The following COX7B2 variants were observed in gnomAD, a reference collection of about 807,000 sequenced individuals.
COX7B2 encodes cytochrome c oxidase subunit 7B2, also known as cytochrome c oxidase subunit 7B2, mitochondrial.
For missense variants in COX7B2, 109 were observed against 95.9 expected, an observed-to-expected ratio of 1.14 and a Z score of -0.57; for synonymous variants, 37 against 32.1, an observed-to-expected ratio of 1.15 and a Z score of -0.51.
chr4:46,837,043 A>G (rs1263120406), intron 2 of COX7B2, among the ~76,000 whole-genome samples: 1 of 152,126 alleles, frequency 6.6e-6, no homozygotes, highest in African/African-American at 2.4e-5. Context: ...TCATATTTAA[A>G]TACAGCAGCA....
At chr4:46,823,747 G>A (rs528934837) in intron 2 of COX7B2, among the ~76,000 whole-genome samples, 2 of 151,552 alleles carry the variant, frequency 1.3e-5, no homozygotes, top group African/African-American at 2.4e-5. Context: ...GAAAAAATAT[G>A]TAAAGATTAG....
chr4:46,774,688 C>T (rs1163878232), intron 2 of COX7B2, among the ~76,000 whole-genome samples: 1 of 151,918 alleles, frequency 6.6e-6, no homozygotes, highest in Non-Finnish European at 1.5e-5. Context: ...CTACTTTACT[C>T]TTCTCTCATA....
chr4:46,850,424 G>A (rs1196855201), intron 1 of COX7B2, among the ~76,000 whole-genome samples: 1 of 152,104 alleles, frequency 6.6e-6, no homozygotes, highest in East Asian at 1.9e-4. Flanking sequence ...TCAAGACGGA[G>A]CGGGAAAAGC....
intron 2 of COX7B2, among the ~76,000 whole-genome samples, chr4:46,757,921 T>C (rs895788276): frequency 6.6e-6 from 1 of 152,126 alleles, no homozygotes; most frequent in African/African-American, 2.4e-5. Context: ...TGGGGCATCA[T>C]GTGGTGGAGG....
chr4:46,902,457 G>T (rs1438948069), intron 1 of COX7B2, among the ~76,000 whole-genome samples: 5 of 152,082 alleles, frequency 3.3e-5, no homozygotes. Context: ...TAATAATTAA[G>T]CTTATGGTCA....
chr4:46,873,201 A>G (rs1449680740), intron 1 of COX7B2, among the ~76,000 whole-genome samples: 1 of 151,920 alleles, frequency 6.6e-6, no homozygotes, highest in African/African-American at 2.4e-5. Context: ...ATGTGCCCAT[A>G]TTTTCTTTAT....
chr4:46,851,866 T>C (rs1394690765), intron 1 of COX7B2, among the ~76,000 whole-genome samples: 1 of 152,134 alleles, frequency 6.6e-6, no homozygotes, highest in Non-Finnish European at 1.5e-5. Flanking sequence ...GGGGTTCACA[T>C]ATTTATCAAT....
intron 2 of COX7B2, among the ~76,000 whole-genome samples, chr4:46,818,506 G>A (rs1203662223): frequency 1.3e-5 from 2 of 151,928 alleles, no homozygotes; most frequent in African/African-American, 4.8e-5. Flanking sequence ...GTGTGGTGGC[G>A]AGCGCCTGTA....
intron 1 of COX7B2, among the ~76,000 whole-genome samples, chr4:46,871,284 G>A (rs1717975824): frequency 6.6e-6 from 1 of 152,166 alleles, no homozygotes; most frequent in South Asian, 2.1e-4. Flanking sequence ...TAACTGGCTA[G>A]CCATCTGCAG....
chr4:46,809,939 A>G (rs1038250898), intron 2 of COX7B2, among the ~76,000 whole-genome samples: 7 of 151,944 alleles, frequency 4.6e-5, no homozygotes, highest in Admixed American at 3.3e-4. Context: ...GTGTAAATAT[A>G]TATTTTCAAT....
At chr4:46,902,919 C>T (rs192689473) in intron 1 of COX7B2, among the ~76,000 whole-genome samples, 1 of 152,104 alleles carries the variant, frequency 6.6e-6, no homozygotes, top group East Asian at 1.9e-4. Flanking sequence ...AATTTGTAGT[C>T]ATTCTATAAC....
At chr4:46,771,879 C>A (rs532122346) in intron 2 of COX7B2, among the ~76,000 whole-genome samples, 41 of 152,150 alleles carry the variant, frequency 2.7e-4, no homozygotes, top group Non-Finnish European at 1.0e-4. Flanking sequence ...AATCTGAAAT[C>A]CAAAATTCTC....
intron 1 of COX7B2, among the ~76,000 whole-genome samples, chr4:46,881,003 A>AAAAAAAAAAAC (rs1229884284): frequency 9.9e-5 from 15 of 151,376 alleles, no homozygotes; most frequent in Non-Finnish European, 2.2e-4. Flanking sequence ...TAAAAAAAAA[A>AAAAAAAAAAAC]AAAAAAAACT....
chr4:46,786,801 G>A (rs745709332), intron 2 of COX7B2, among the ~76,000 whole-genome samples: 7 of 152,156 alleles, frequency 4.6e-5, no homozygotes, highest in Non-Finnish European at 8.8e-5. Context: ...GATGCCTGTA[G>A]GTTTCTTCAG....
At chr4:46,895,139 A>G (rs1363637966) in intron 1 of COX7B2, among the ~76,000 whole-genome samples, 1 of 152,188 alleles carries the variant, frequency 6.6e-6, no homozygotes, top group Non-Finnish European at 1.5e-5. Context: ...GTTATTGGGT[A>G]TATACCCAAA....
intron 2 of COX7B2, among the ~76,000 whole-genome samples, chr4:46,812,672 G>A (rs1298047449): frequency 6.6e-6 from 1 of 152,160 alleles, no homozygotes; most frequent in Admixed American, 6.6e-5. Flanking sequence ...GACTGTAGGA[G>A]TCTAGTCCAG....
chr4:46,780,973 T>C (rs1381553940), intron 2 of COX7B2, among the ~76,000 whole-genome samples: 4 of 152,184 alleles, frequency 2.6e-5, no homozygotes, highest in Non-Finnish European at 5.9e-5. Context: ...TATGTTTCAT[T>C]ATAATTATCT....
intron 2 of COX7B2, among the ~76,000 whole-genome samples, chr4:46,759,461 G>A (rs573353828): frequency 1.7e-4 from 26 of 151,864 alleles, no homozygotes; most frequent in African/African-American, 4.1e-4. Flanking sequence ...CAGACAAAGG[G>A]CTAATATCAA....
intron 2 of COX7B2, among the ~76,000 whole-genome samples, chr4:46,799,453 A>T (rs1320238281): frequency 6.6e-6 from 1 of 152,136 alleles, no homozygotes; most frequent in Non-Finnish European, 1.5e-5. Flanking sequence ...CTCAACAGGA[A>T]TGATTACAGC....
Sources: allele counts gnomAD v4.1 joint callset (sites outside exome capture counted in the v4.1 genomes callset), GRCh38; gene constraint gnomAD v4.1.1; transcripts MANE v1.5; gene names NCBI Gene and HGNC (gene_info 2026-07-23, HGNC 2026-07-21).